MAGI1: variants seen among roughly 807,000 people sequenced by gnomAD.
MAGI1 encodes membrane-associated guanylate kinase, WW and PDZ domain-containing protein 1.
MAGI1 carries 58 observed loss-of-function variants against 139.9 expected under a neutral mutation model. That is an observed-to-expected ratio of 0.41 (90% CI 0.34 to 0.52). The LOEUF (loss-of-function observed/expected upper bound fraction) is 0.52, where lower values mean the gene tolerates loss of function less well. MAGI1 is among the 20% of genes least tolerant of loss of function. The pLI, the probability that MAGI1 is intolerant of heterozygous loss-of-function variation, is 0.12. For synonymous variants in MAGI1, 812 were observed against 737.9 expected (o/e 1.10, Z -1.63); for missense variants, 1,874 against 1,901.6 (o/e 0.99, Z 0.27).
intron 1 of MAGI1, among the ~76,000 whole-genome samples, chr3:65,982,955 C>T (rs946585352): frequency 1.3e-5 from 2 of 152,106 alleles, no homozygotes; most frequent in African/African-American, 2.4e-5. Flanking sequence ...GCTCTCCCTC[C>T]GTCACCTAGG....
intron 1 of MAGI1, among the ~76,000 whole-genome samples, chr3:65,652,838 G>C (rs551613200): frequency 6.6e-6 from 1 of 152,276 alleles, no homozygotes; most frequent in Admixed American, 6.5e-5. Context: ...ATGTAATTCG[G>C]AAGGCTGACA....
In MAGI1 at chr3:65,439,956, T is replaced by C; in HGVS notation, c.1193A>G (p.Lys398Arg). 6.2e-7 allele frequency: 1 copy of C among 1,614,086 alleles called. No individual in the cohort carries two copies. Among genetic ancestry groups the C allele is most frequent in the East Asian group, 2.2e-5 (1 of 44,870 alleles). Residue 398 changes from lysine to arginine, a missense_variant, in exon 9 of 23, where the codon AAG (lysine) becomes AGG (arginine). Coordinates refer to ENST00000402939, the MANE Select transcript of MAGI1 (RefSeq NM_001033057.2). ...ENPVLEAKRK[K>R]QLEQQQQQQQ... ...CTGCTGCTGCTGCTGCTCAAGCTGCTTCTTCCGTTTGGCTTCTAGAACCGG... is the reference window on the plus strand; with the variant it reads ...CTGCTGCTGCTGCTGCTCAAGCTGCCTCTTCCGTTTGGCTTCTAGAACCGG...
intron 1 of MAGI1, among the ~76,000 whole-genome samples, chr3:65,951,516 AAC>A (rs2063862873): frequency 6.6e-6 from 1 of 152,254 alleles, no homozygotes; most frequent in African/African-American, 2.4e-5. Flanking sequence ...CAGTATGAAA[AAC>A]ACGTCAAATA....
intron 2 of MAGI1, among the ~76,000 whole-genome samples, chr3:65,566,049 T>C (rs896480730): frequency 1.5e-4 from 23 of 151,324 alleles, no homozygotes; most frequent in Non-Finnish European, 1.2e-4. Context: ...AGGTCAGGAG[T>C]TCGAGACCAG....
At chr3:65,774,401 C>T (rs1183888562) in intron 1 of MAGI1, among the ~76,000 whole-genome samples, 1 of 152,150 alleles carries the variant, frequency 6.6e-6, no homozygotes, top group East Asian at 1.9e-4. Flanking sequence ...AAATTGTGTC[C>T]TGTATCCCTC....
chr3:66,004,369 G>A (rs2066905526), intron 1 of MAGI1, among the ~76,000 whole-genome samples: 1 of 152,132 alleles, frequency 6.6e-6, no homozygotes, highest in Non-Finnish European at 1.5e-5. Flanking sequence ...GTTGACACTG[G>A]CTGTCGGCCG....
intron 4 of MAGI1, among the ~76,000 whole-genome samples, chr3:65,471,703 C>T (rs67530972): frequency 0.56 from 84,875 of 151,992 alleles, 25,065 homozygotes; most frequent in East Asian, 0.95. Context: ...CTACATCATA[C>T]TCCTTGCCAA....
chr3:65,362,239 T>C (rs745469221), intron 21 of MAGI1, among the ~76,000 whole-genome samples: 15 of 152,314 alleles, frequency 9.8e-5, no homozygotes, highest in Non-Finnish European at 1.9e-4. Flanking sequence ...AGGTAATACA[T>C]GTAAACCTGT....
At chr3:65,528,055 C>A (rs1324987530) in intron 2 of MAGI1, among the ~76,000 whole-genome samples, 1 of 151,888 alleles carries the variant, frequency 6.6e-6, no homozygotes, top group Non-Finnish European at 1.5e-5. Flanking sequence ...GGGTGAAAGA[C>A]TACAAAGATT....
At chr3:65,967,416 C>T (rs1456546100) in intron 1 of MAGI1, among the ~76,000 whole-genome samples, 1 of 152,150 alleles carries the variant, frequency 6.6e-6, no homozygotes, top group Non-Finnish European at 1.5e-5. Context: ...AAGGTTACGC[C>T]AATAATGTCA....
At chr3:65,732,123 C>A (rs1426802619) in intron 1 of MAGI1, among the ~76,000 whole-genome samples, 1 of 152,174 alleles carries the variant, frequency 6.6e-6, no homozygotes, top group Non-Finnish European at 1.5e-5. Context: ...AAAACGAATT[C>A]AGTCTCTGCA....
chr3:65,902,271 T>C (rs2061261748), intron 1 of MAGI1, among the ~76,000 whole-genome samples: 1 of 152,184 alleles, frequency 6.6e-6, no homozygotes, highest in African/African-American at 2.4e-5. Flanking sequence ...TCCTGAACAC[T>C]GCTCCCACCT....
At chr3:65,852,423 T>A (rs1176060663) in intron 1 of MAGI1, among the ~76,000 whole-genome samples, 1 of 152,048 alleles carries the variant, frequency 6.6e-6, no homozygotes, top group East Asian at 1.9e-4. Flanking sequence ...CTCTACCCAG[T>A]AGGTAAACAC....
At chr3:65,444,801 A>G (rs1276761848) in intron 7 of MAGI1, among the ~76,000 whole-genome samples, 2 of 152,194 alleles carry the variant, frequency 1.3e-5, no homozygotes, top group African/African-American at 4.8e-5. Context: ...CAACTGGCAT[A>G]TCTGGACATT....
intron 2 of MAGI1, among the ~76,000 whole-genome samples, chr3:65,496,001 T>C (rs1952406959): frequency 6.6e-6 from 1 of 152,124 alleles, no homozygotes; most frequent in African/African-American, 2.4e-5. Context: ...ATGTCATCCT[T>C]AGAATGGTTT....
At chr3:65,816,203 T>C (rs1157572315) in intron 1 of MAGI1, among the ~76,000 whole-genome samples, 1 of 151,948 alleles carries the variant, frequency 6.6e-6, no homozygotes, top group African/African-American at 2.4e-5. Context: ...TCTAGAAGGA[T>C]TTGGAGTAGA....
In MAGI1 at chr3:65,801,737, G is replaced by A. The variant is rs1240701516; in HGVS notation, c.314-179649C>T. 2.0e-5 allele frequency among the ~76,000 whole-genome samples: 3 copies of A among 152,034 alleles called. No individual in the cohort carries two copies. The East Asian group carries it at 5.8e-4, about 29-fold the overall frequency. ...GTAATTATATTTTAAATATCTGTTG[G>A]GTAAGAAAATGCATAGAAACAAAAA... On this transcript the variant is annotated intron_variant, in intron 1 of 22. Coordinates refer to ENST00000402939, the MANE Select transcript of MAGI1 (RefSeq NM_001033057.2).
intron 1 of MAGI1, among the ~76,000 whole-genome samples, chr3:65,980,801 A>G (rs1408052130): frequency 1.2e-4 from 19 of 152,290 alleles, no homozygotes. Flanking sequence ...ACCCCGTCCA[A>G]TGTTTATTCT....
At chr3:65,824,237 C>G (rs2042104133) in intron 1 of MAGI1, among the ~76,000 whole-genome samples, 1 of 152,194 alleles carries the variant, frequency 6.6e-6, no homozygotes, top group South Asian at 2.1e-4. Flanking sequence ...CCTGCTCTGC[C>G]TTTTCCCTAA....
Sources: gnomAD v4.1 joint callset for allele counts (sites outside exome capture counted in the v4.1 genomes callset) on GRCh38, gnomAD v4.1.1 for gene constraint, MANE v1.5 for transcripts, NCBI Gene and HGNC (gene_info 2026-07-23, HGNC 2026-07-21) for gene names.